CCP110: variants seen among roughly 807,000 people sequenced by gnomAD.
The protein encoded by CCP110 is centriolar coiled-coil protein 110.
A neutral mutation model predicts 105.5 loss-of-function variants in CCP110; 43 were observed. The observed-to-expected ratio is 0.41, with a 90% CI of 0.32 to 0.53. The LOEUF (loss-of-function observed/expected upper bound fraction) is 0.53, where lower values mean the gene tolerates loss of function less well. Among genes scored for constraint, CCP110 ranks in the 20% least tolerant of loss-of-function variants. CCP110 has a pLI of 0.32. For missense variants in CCP110, 1,016 were observed against 1,189.1 expected (o/e 0.85, Z 2.14); for synonymous variants, 353 against 392.1 (o/e 0.90, Z 1.18).
At position 19,541,826 on chromosome 16, in the gene CCP110, G is replaced by A. The variant is rs1034760403; in HGVS notation, c.2050-61G>A. ...ATGTACTTTTGGCTAAGCCTAAAAT[G>A]ATATCATTTTGGGACATAATTAAAA... is the stretch of plus-strand genomic sequence containing the variant. On this transcript the variant is annotated intron_variant, in intron 5 of 14. Transcript: ENST00000381396. 9.5e-6 allele frequency: 9 copies of A among 949,838 alleles called. No homozygotes were observed. In the Admixed American group the frequency reaches 1.7e-4, roughly 18 times the overall value. 58.8% of individuals were successfully genotyped at this position (949,838 alleles called of 1,614,324 possible). A position where few individuals can be genotyped will look rare whatever the true frequency, so the allele number is the denominator to read the frequency against.
chr16:19,536,188 A>C, exon 4 of CCP110: 1 of 1,614,154 alleles, frequency 6.2e-7, no homozygotes, highest in Non-Finnish European at 8.5e-7. Flanking sequence ...CTCCGAAGCA[A>C]TGTGATAGTT....
intron 1 of CCP110, chr16:19,526,065 A>C (rs1215501644): frequency 6.6e-6 from 1 of 152,362 alleles, no homozygotes; most frequent in Non-Finnish European, 1.5e-5. Context: ...TTGAATGAGT[A>C]ATGCGTTGTC....
Position 19,548,235 on chromosome 16 carries a change from T to G in CCP110, c.2900+221T>G. 1 of 582,504 alleles carries G rather than the reference T, an allele frequency of 1.7e-6. No individual in the cohort carries two copies. Among genetic ancestry groups the G allele is most frequent in the South Asian group, 2.3e-5 (1 of 43,720 alleles). The allele number at this position is 582,504 out of a possible 1,614,324, so 36.1% of individuals were successfully genotyped here. A position where few individuals can be genotyped will look rare whatever the true frequency, so the allele number is the denominator to read the frequency against. ...TTACTGTCTTAAGTTGGGATGTTTTTACTTTTCATTTCATACCATTTTACT... is the reference window on the plus strand; with the variant it reads ...TTACTGTCTTAAGTTGGGATGTTTTGACTTTTCATTTCATACCATTTTACT... On this transcript the variant is annotated intron_variant, in intron 13 of 14. Coordinates refer to ENST00000381396, the Ensembl canonical transcript of CCP110. This position sits in a 1 kb window ranked among gnomAD's most constrained non-coding sequence, Gnocchi z 4.1.
At chr16:19,538,160 C>T (rs1178647521) in intron 4 of CCP110, among the ~76,000 whole-genome samples, 1 of 151,746 alleles carries the variant, frequency 6.6e-6, no homozygotes, top group Non-Finnish European at 1.5e-5. Context: ...CCGGTTCAGG[C>T]AATTCTCATG....
chr16:19,541,873 CTG>C lies in CCP110; in HGVS notation c.2050-12_2050-11del. The C allele has an allele frequency of 6.6e-7, 1 of 1,517,796 alleles. No homozygotes were observed. The highest frequency in any genetic ancestry group is 1.3e-5 in the South Asian group (1 of 78,554). The allele number at this position is 1,517,796 out of a possible 1,614,324, so 94.0% of individuals were successfully genotyped here. ...AAAAGGTTTAGCATGTTACAATAAA[CTG>C]TTCATGTATAGGAAATAGAAGAGCA... On this transcript the variant is annotated splice_polypyrimidine_tract_variant and intron_variant, in intron 5 of 14. Transcript: ENST00000381396.
Position 19,551,318 on chromosome 16 carries a change from T to G in CCP110, c.*70T>G, listed in dbSNP as rs1457301610. On this transcript the variant is annotated 3_prime_UTR_variant, in exon 15 of 15. Transcript: ENST00000381396. ...TCATGTTATTTTCCCTGCCCAAGACTTTATTTAACCCTGGACTCCGTTTAC... is the reference window on the plus strand; with the variant it reads ...TCATGTTATTTTCCCTGCCCAAGACGTTATTTAACCCTGGACTCCGTTTAC... 3 of 1,246,382 alleles carry G rather than the reference T, an allele frequency of 2.4e-6. No individual in the cohort carries two copies. In the African/African-American group the frequency reaches 4.4e-5, roughly 18 times the overall value. 77.2% of individuals were successfully genotyped at this position (1,246,382 alleles called of 1,614,324 possible).
exon 4 of CCP110, chr16:19,536,382 A>G (rs1365632297): frequency 6.2e-7 from 1 of 1,612,832 alleles, no homozygotes; most frequent in Non-Finnish European, 8.5e-7. Context: ...TCAAAGGAAT[A>G]TATAGAAAGA....
At chr16:19,538,259 C>T (rs1362306609) in intron 4 of CCP110, among the ~76,000 whole-genome samples, 2 of 146,308 alleles carry the variant, frequency 1.4e-5, no homozygotes, top group Non-Finnish European at 3.0e-5. Flanking sequence ...TTTCATAGTC[C>T]ACTTGGTATT....
rs774035752 is a variant in CCP110 at position 19,545,145 on chromosome 16, G to A, written c.2638G>A (p.Ala880Thr). 6.8e-6 allele frequency: 11 copies of A among 1,612,622 alleles called. No individual in the cohort carries two copies. The South Asian group carries it at 1.1e-4, about 16-fold the overall frequency. Residue 880 changes from alanine to threonine, a missense_variant, in exon 10 of 15, where the codon GCT becomes ACT. By Grantham distance (58) the Ala-to-Thr change is moderately conservative (BLOSUM62 0). Coordinates refer to ENST00000381396, the Ensembl canonical transcript of CCP110. Reference sequence around the variant, plus strand: ...TGACATATTCTTTGTAATGGATGCAGCTGAAAGAATGTCTATTCTACATCA... The same window carrying A: ...TGACATATTCTTTGTAATGGATGCAACTGAAAGAATGTCTATTCTACATCA...
At chr16:19,542,507 G>A (rs571145698) in intron 6 of CCP110, 114 bp from the exon 7 acceptor site, 1 of 742,690 alleles carries the variant, frequency 1.3e-6, no homozygotes, top group African/African-American at 1.8e-5. Flanking sequence ...CGGCAGGTAG[G>A]TCATTTTTGG....
chr16:19,528,000 G>A (rs1225604464), exon 2 of CCP110: 1 of 1,612,450 alleles, frequency 6.2e-7, no homozygotes, highest in Admixed American at 1.7e-5. Context: ...CGCTTTCATG[G>A]AGTGGCTATC....
rs1207713608 is a variant in CCP110, at chr16:19,545,838, G to A, written c.2725G>A (p.Val909Met). 7 of 1,607,932 alleles carry A rather than the reference G, an allele frequency of 4.4e-6. No individual in the cohort carries two copies. The African/African-American group carries it at 8.0e-5, about 18-fold the overall frequency. ...AAAGGATAAAATGAAAAGTCCACGAGTGGCTCTTTCAGCTGCAACACAGAA... is the reference window on the plus strand; with the variant it reads ...AAAGGATAAAATGAAAAGTCCACGAATGGCTCTTTCAGCTGCAACACAGAA... The change falls in exon 11 of 15, where the codon GTG becomes ATG. Residue 909 changes from valine to methionine, a missense_variant. By Grantham distance (21) the Val-to-Met change is conservative (BLOSUM62 1). Transcript: ENST00000381396.
At position 19,542,494 on chromosome 16, in the gene CCP110, AGT is replaced by A. The variant is rs1310165586; in HGVS notation, c.2228-126_2228-125del. On this transcript the variant is annotated intron_variant, in intron 6 of 14. Coordinates refer to ENST00000381396, the Ensembl canonical transcript of CCP110. ...AGCTTTAAAGTCCATAAATATTTTA[AGT>A]CGGCAGGTAGGTCATTTTTGGAGGC... 65 of 659,526 alleles carry A rather than the reference AGT, an allele frequency of 9.9e-5. No homozygotes were observed. In the East Asian group the frequency reaches 1.5e-3, roughly 15 times the overall value. 40.9% of individuals were successfully genotyped at this position (659,526 alleles called of 1,614,324 possible). A position where few individuals can be genotyped will look rare whatever the true frequency, so the allele number is the denominator to read the frequency against.
rs539197334 is a variant in CCP110, at chr16:19,533,417, T to G, written c.270+873T>G. ...TGGCTTATGCTTTTCCAGAAGAGGT[T>G]TTGAGGACTTCAGTGTATAAAGGGG... On this transcript the variant is annotated intron_variant, in intron 3 of 14. Transcript: ENST00000381396. Among the ~76,000 whole-genome samples the G allele has an allele frequency of 8.5e-5, 13 of 152,156 alleles. No homozygotes were observed. In the East Asian group the frequency reaches 2.5e-3, roughly 29 times the overall value.
At chr16:19,547,977 C>A (rs748764151) in exon 13 of CCP110, 1 of 1,611,980 alleles carries the variant, frequency 6.2e-7, no homozygotes, top group South Asian at 1.1e-5. Flanking sequence ...AAACCAAGGA[C>A]AGAATGCACC....
chr16:19,540,773 G>A (rs762477128), exon 5 of CCP110: 11 of 1,613,612 alleles, frequency 6.8e-6, no homozygotes, highest in Admixed American at 1.7e-5. Context: ...AAGGGAACAA[G>A]AAAGACTGCA....
chr16:19,536,105 T>C, exon 4 of CCP110: 1 of 1,614,122 alleles, frequency 6.2e-7, no homozygotes, highest in Non-Finnish European at 8.5e-7. Flanking sequence ...AGCTGGGATT[T>C]TGCCATTGGA....
intron 2 of CCP110, among the ~76,000 whole-genome samples, chr16:19,530,854 C>T (rs558899515): frequency 2.0e-5 from 3 of 151,468 alleles, no homozygotes; most frequent in South Asian, 4.2e-4. Context: ...TGCGTTAGGC[C>T]GAGGCAGGAG....
intron 2 of CCP110, among the ~76,000 whole-genome samples, chr16:19,530,772 G>A (rs748626872): frequency 3.3e-5 from 5 of 151,930 alleles, no homozygotes; most frequent in Admixed American, 2.6e-4. Flanking sequence ...TGGCCAACAT[G>A]GCGAAACCCC....
Sources: gnomAD v4.1 joint callset for allele counts (sites outside exome capture counted in the v4.1 genomes callset) on GRCh38, gnomAD v4.1.1 for gene constraint, Gnocchi (gnomAD v3.1) non-coding constraint, MANE v1.5 for transcripts, NCBI Gene and HGNC (gene_info 2026-07-23, HGNC 2026-07-21) for gene names.